The following CPS1 variants were observed in gnomAD, a reference collection of about 807,000 sequenced individuals.
The protein encoded by CPS1 is carbamoyl-phosphate synthase 1, also known as carbamoyl-phosphate synthase [ammonia], mitochondrial.
In CPS1, 109 loss-of-function variants were observed where a neutral mutation model predicts 174.6. The observed-to-expected ratio is 0.62, with a 90% CI of 0.53 to 0.73. CPS1 has a LOEUF of 0.73. Ranked by LOEUF, CPS1 falls within the 30% of genes least tolerant of loss-of-function variation. CPS1 has a pLI of 0.00. For synonymous variants in CPS1, 637 were observed against 632.0 expected, an observed-to-expected ratio of 1.01 and a Z score of -0.12; for missense variants, 1,689 against 1,821.9, an observed-to-expected ratio of 0.93 and a Z score of 1.33.
At chr2:210,535,063 G>A (rs1696210968) in intron 1 of CPS1, among the ~76,000 whole-genome samples, 3 of 152,126 alleles carry the variant, frequency 2.0e-5, no homozygotes, top group Non-Finnish European at 2.9e-5. Context: ...GCTCTCTTTC[G>A]GCAACAGGCC....
chr2:210,506,243 C>A (rs1450089405), intron 1 of CPS1, among the ~76,000 whole-genome samples: 1 of 152,134 alleles, frequency 6.6e-6, no homozygotes, highest in Admixed American at 6.5e-5. Context: ...CGCTGTTCTG[C>A]AGCCTCCGCT....
chr2:210,666,440 T>C (rs1175797799), intron 33 of CPS1, among the ~76,000 whole-genome samples: 2 of 151,882 alleles, frequency 1.3e-5, no homozygotes, highest in Non-Finnish European at 2.9e-5. Context: ...GGTTTTCTTC[T>C]AGGGTTTTTA....
chr2:210,484,389 C>G (rs1002920007), intron 1 of CPS1, among the ~76,000 whole-genome samples: 1 of 152,150 alleles, frequency 6.6e-6, no homozygotes, highest in Non-Finnish European at 1.5e-5. Context: ...TAAGACATGA[C>G]AAGGAGCTTA....
At chr2:210,529,123 A>G (rs969793738) in intron 1 of CPS1, among the ~76,000 whole-genome samples, 1 of 151,922 alleles carries the variant, frequency 6.6e-6, no homozygotes, top group African/African-American at 2.4e-5. Flanking sequence ...TAGGATAATC[A>G]TGAGAAAGAA....
chr2:210,481,598 A>T (rs1483769109), intron 1 of CPS1, among the ~76,000 whole-genome samples: 1 of 152,218 alleles, frequency 6.6e-6, no homozygotes, highest in Non-Finnish European at 1.5e-5. Flanking sequence ...CAACAGAGAG[A>T]TACTCAGGCC....
chr2:210,667,644 G>T (rs968604126), intron 33 of CPS1, among the ~76,000 whole-genome samples: 2 of 152,066 alleles, frequency 1.3e-5, no homozygotes, highest in African/African-American at 4.8e-5. Flanking sequence ...GTTCCTTTGA[G>T]GTTTTCATGG....
chr2:210,554,679 G>A (rs980274072), upstream of CPS1, among the ~76,000 whole-genome samples: 1 of 151,704 alleles, frequency 6.6e-6, no homozygotes, highest in African/African-American at 2.4e-5. Context: ...ACACCAGCAT[G>A]GCACATGTAT....
At chr2:210,649,483 CA>C (rs1700495637) in intron 27 of CPS1, among the ~76,000 whole-genome samples, 5 of 152,124 alleles carry the variant, frequency 3.3e-5, no homozygotes, top group Non-Finnish European at 1.5e-5. Context: ...GCCCTTTAGG[CA>C]GAAATTTGTA....
At chr2:210,523,549 C>T (rs967449781) in intron 1 of CPS1, among the ~76,000 whole-genome samples, 2 of 151,952 alleles carry the variant, frequency 1.3e-5, no homozygotes, top group Admixed American at 6.6e-5. Context: ...TCTGTGTCCA[C>T]GTGGACGCAT....
intron 21 of CPS1, among the ~76,000 whole-genome samples, chr2:210,627,502 C>T (rs1699731759): frequency 1.3e-5 from 2 of 151,990 alleles, no homozygotes; most frequent in Admixed American, 1.3e-4. Flanking sequence ...AGTTGCTGAC[C>T]CCAGAATTTC....
chr2:210,612,403 G>A, intron 20 of CPS1, 110 bp downstream of exon 20: 1 of 1,210,034 alleles, frequency 8.3e-7, no homozygotes, highest in South Asian at 1.2e-5. Context: ...AGGGATTTTT[G>A]GAAAATTTTT....
At chr2:210,573,507 G>T (rs1246048014) in intron 2 of CPS1, 100 bp downstream of exon 2, 3 of 921,634 alleles carry the variant, frequency 3.3e-6, no homozygotes, top group Non-Finnish European at 5.3e-6. Context: ...ATCGTAGTAA[G>T]ACTACGTATT....
chr2:210,620,931 C>G (rs1195121603), intron 21 of CPS1, among the ~76,000 whole-genome samples: 1 of 152,066 alleles, frequency 6.6e-6, no homozygotes, highest in Non-Finnish European at 1.5e-5. Context: ...TGCTTGCCCC[C>G]TCAGAACTCA....
intron 34 of CPS1, chr2:210,673,373 G>A (rs1451770154): frequency 2.0e-5 from 3 of 152,182 alleles, no homozygotes; most frequent in Admixed American, 2.0e-4. Context: ...TTGATCACAG[G>A]AAGTATGTTC....
At chr2:210,617,139 T>A (rs1699337648) in intron 21 of CPS1, among the ~76,000 whole-genome samples, 1 of 152,060 alleles carries the variant, frequency 6.6e-6, no homozygotes, top group Non-Finnish European at 1.5e-5. Context: ...TCATTTTATG[T>A]TGAGAATATT....
At position 210,667,169 on chromosome 2, in the gene CPS1, A is replaced by G. The variant is rs1328556374; in HGVS notation, c.4003-1017A>G. Among the ~76,000 whole-genome samples, 4 of 152,270 alleles carry G rather than the reference A, an allele frequency of 2.6e-5. No homozygotes were observed. In the East Asian group the frequency reaches 7.7e-4, roughly 29 times the overall value. On this transcript the variant is annotated intron_variant, in intron 33 of 37. Transcript: ENST00000233072. ...ATAAGAATGCTTGTGATTTTTGTACATTGATTTTGTATCCTGAGACTTTGC... is the reference window on the plus strand; with the variant it reads ...ATAAGAATGCTTGTGATTTTTGTACGTTGATTTTGTATCCTGAGACTTTGC...
chr2:210,500,163 C>A (rs1434113909), intron 1 of CPS1, among the ~76,000 whole-genome samples: 3 of 152,078 alleles, frequency 2.0e-5, no homozygotes, highest in Non-Finnish European at 4.4e-5. Flanking sequence ...CCCCATGATT[C>A]AATTATCTCC....
In CPS1 at chr2:210,656,568, T is replaced by C; in HGVS notation, c.3602T>C (p.Val1201Ala). The C allele has an allele frequency of 6.2e-7, 1 of 1,611,472 alleles. No individual in the cohort carries two copies. The highest frequency in any genetic ancestry group is 8.5e-7 in the Non-Finnish European group (1 of 1,179,604). Residue 1201 changes from valine (V) to alanine (A), a missense_variant, in exon 30 of 38, where the codon GTC becomes GCC. By Grantham distance (64) the Val-to-Ala change is moderately conservative. Transcript: ENST00000233072. ...TCTGAACATGTTGAAGATGCAGGTG[T>C]CCACTCGGGAGATGCCACTCTGATG... The part of the protein sequence containing the change: ...AISEHVEDAG[V>A]HSGDATLMLP...
chr2:210,607,532 A>C (rs548670177), intron 18 of CPS1, among the ~76,000 whole-genome samples: 4 of 151,922 alleles, frequency 2.6e-5, no homozygotes, highest in African/African-American at 9.7e-5. Flanking sequence ...CTTACACTTA[A>C]ATTATGGCAT....
Sources: gnomAD v4.1 joint callset for allele counts (sites outside exome capture counted in the v4.1 genomes callset) on GRCh38, gnomAD v4.1.1 for gene constraint, MANE v1.5 for transcripts, NCBI Gene and HGNC (gene_info 2026-07-23, HGNC 2026-07-21) for gene names.